The following FRMD4A variants were observed in gnomAD, a reference collection of about 807,000 sequenced individuals.
The protein encoded by FRMD4A is FERM domain containing 4A, also known as FERM domain-containing protein 4A.
A neutral mutation model predicts 129.1 loss-of-function variants in FRMD4A; 29 were observed. The observed-to-expected ratio is 0.22, with a 90% CI of 0.17 to 0.31. The LOEUF is 0.31. Among genes scored for constraint, FRMD4A ranks in the 10% least tolerant of loss-of-function variants. FRMD4A has a pLI of 1.00. For missense variants in FRMD4A, 1,272 were observed against 1,375.8 expected (o/e 0.92, Z 1.19); for synonymous variants, 634 against 571.6 (o/e 1.11, Z -1.56).
intron 2 of FRMD4A, among the ~76,000 whole-genome samples, chr10:14,134,540 G>T (rs1589049667): frequency 6.7e-6 from 1 of 149,824 alleles, no homozygotes; most frequent in South Asian, 2.1e-4. Flanking sequence ...AAAAGATGGA[G>T]GGATTGGTGA....
chr10:13,911,239 G>GT (rs2094937549), intron 2 of FRMD4A, among the ~76,000 whole-genome samples: 1 of 152,168 alleles, frequency 6.6e-6, no homozygotes. Context: ...AGCTAGGAAT[G>GT]TTTTTTCCTG....
chr10:14,221,966 T>A (rs1052590717), intron 2 of FRMD4A, among the ~76,000 whole-genome samples: 2 of 152,192 alleles, frequency 1.3e-5, no homozygotes, highest in African/African-American at 4.8e-5. Flanking sequence ...TGATTGCTGC[T>A]TCTCAGGAAG....
At chr10:14,228,381 AATT>A (rs1438890419) in intron 2 of FRMD4A, among the ~76,000 whole-genome samples, 5 of 152,186 alleles carry the variant, frequency 3.3e-5, no homozygotes, top group African/African-American at 4.8e-5. Context: ...GTTTGAGCTT[AATT>A]ATTAATAATG....
chr10:13,850,392 C>T (rs186890113), intron 3 of FRMD4A, among the ~76,000 whole-genome samples: 23 of 152,304 alleles, frequency 1.5e-4, no homozygotes, highest in Admixed American at 3.3e-4. Context: ...ATATCACCAG[C>T]ATCGCTGTCA....
chr10:13,980,970 G>A (rs2095558497), intron 2 of FRMD4A, among the ~76,000 whole-genome samples: 1 of 152,130 alleles, frequency 6.6e-6, no homozygotes. Context: ...TTTGATATAT[G>A]CAAAATCAGG....
chr10:13,740,382 G>C (rs773596452), intron 10 of FRMD4A, 130 bp downstream of exon 10: 3 of 889,056 alleles, frequency 3.4e-6, no homozygotes, highest in Admixed American at 2.1e-5. Context: ...TTATTTACTT[G>C]AAAATTAAAT....
chr10:14,268,506 G>A lies in FRMD4A; in HGVS notation c.45+61552C>T, dbSNP rs117121432. ...ATGTAATATATTGTAAGACTCCCTC[G>A]ATTTATTTATTTTTTCATTCATCTT... On this transcript the variant is annotated intron_variant, in intron 2 of 24. Coordinates refer to ENST00000357447, the MANE Select transcript of FRMD4A (RefSeq NM_018027.5). Among the ~76,000 whole-genome samples, 979 of 152,240 alleles carry A rather than the reference G, an allele frequency of 6.4e-3. 6 individuals carry two copies. Among genetic ancestry groups the A allele is most frequent in the Non-Finnish European group, 0.01 (707 of 68,012 alleles).
intron 2 of FRMD4A, among the ~76,000 whole-genome samples, chr10:14,240,086 T>G (rs556488969): frequency 6.6e-6 from 1 of 152,332 alleles, no homozygotes; most frequent in African/African-American, 2.4e-5. Context: ...TAGAGTCTAC[T>G]ATGTTGATGG....
At chr10:14,089,630 C>CAAAAAAAA (rs59553317) in intron 2 of FRMD4A, among the ~76,000 whole-genome samples, 1 of 130,806 alleles carries the variant, frequency 7.6e-6, no homozygotes, top group African/African-American at 3.0e-5. Context: ...AAAAAAAAAA[C>CAAAAAAAA]AAAAAAAAAC....
intron 6 of FRMD4A, among the ~76,000 whole-genome samples, chr10:13,772,169 T>C (rs2092474463): frequency 7.5e-6 from 1 of 133,848 alleles, no homozygotes; most frequent in Admixed American, 8.6e-5. Flanking sequence ...ATATATAATA[T>C]ATTATATTAT....
chr10:13,919,674 A>G (rs962103010), intron 2 of FRMD4A, among the ~76,000 whole-genome samples: 4 of 152,196 alleles, frequency 2.6e-5, no homozygotes, highest in Admixed American at 2.0e-4. Context: ...GCGGTGGCTG[A>G]AGCCTGTAAT....
chr10:14,330,738 C>T lies in FRMD4A; in HGVS notation c.-223G>A, dbSNP rs1241660490. 7.5e-6 allele frequency: 3 copies of T among 398,718 alleles called. No individual in the cohort carries two copies. The highest frequency in any genetic ancestry group is 3.6e-5 in the East Asian group (1 of 28,096). The allele number at this position is 398,718 out of a possible 1,614,324, so 24.7% of individuals were successfully genotyped here. ...GAGATCAGCAAATGCCCTTACCATC[C>T]CCGAGGAGGAAGTCACTTAGGAACT... is the stretch of plus-strand genomic sequence containing the variant. On this transcript the variant is annotated 5_prime_UTR_variant, in exon 1 of 25. Coordinates refer to ENST00000357447, the MANE Select transcript of FRMD4A (RefSeq NM_018027.5).
intron 2 of FRMD4A, among the ~76,000 whole-genome samples, chr10:14,146,383 A>G (rs1018235445): frequency 2.0e-5 from 3 of 152,206 alleles, no homozygotes; most frequent in Non-Finnish European, 4.4e-5. Flanking sequence ...ATAGGATATG[A>G]TGTGATATAG....
intron 2 of FRMD4A, among the ~76,000 whole-genome samples, chr10:14,247,804 AT>A: frequency 6.6e-6 from 1 of 152,184 alleles, no homozygotes; most frequent in East Asian, 1.9e-4. Flanking sequence ...CTCTGCTTAA[AT>A]TGAGTGTGAG....
At chr10:14,013,325 A>T (rs1250105777) in intron 2 of FRMD4A, among the ~76,000 whole-genome samples, 1 of 152,052 alleles carries the variant, frequency 6.6e-6, no homozygotes, top group Non-Finnish European at 1.5e-5. Flanking sequence ...GATGGCAACT[A>T]TTCCCACCCT....
At chr10:13,904,992 C>CAAAAAAAAAAA (rs397772526) in intron 2 of FRMD4A, among the ~76,000 whole-genome samples, 1 of 109,428 alleles carries the variant, frequency 9.1e-6, no homozygotes, top group African/African-American at 3.6e-5. Flanking sequence ...GACTCTATCT[C>CAAAAAAAAAAA]AAAAAAAAAA....
intron 3 of FRMD4A, among the ~76,000 whole-genome samples, chr10:13,823,762 G>A (rs762297466): frequency 2.0e-5 from 3 of 152,124 alleles, no homozygotes; most frequent in Non-Finnish European, 2.9e-5. Flanking sequence ...ACCTTTCCAC[G>A]GGGCCAAATG....
In FRMD4A at chr10:13,776,554, A is replaced by G. The variant is rs368797829; in HGVS notation, c.384+6368T>C. Among the ~76,000 whole-genome samples, 438 of 152,396 alleles carry G rather than the reference A, an allele frequency of 2.9e-3. 3 individuals are homozygous for G. The highest frequency in any genetic ancestry group is 0.019 in the South Asian group (90 of 4,828). ...GTTGCAAGTGGCAGGAGTTGCAGGG[A>G]GGAAGCTGTTTGTCATAATCAGCCT... On this transcript the variant is annotated intron_variant, in intron 6 of 24. Transcript: ENST00000357447.
At chr10:13,667,920 C>G (rs1485347720) in intron 17 of FRMD4A, 2 of 152,192 alleles carry the variant, frequency 1.3e-5, no homozygotes, top group Non-Finnish European at 2.9e-5. Context: ...AATTCACAGA[C>G]ACGCTGAAAT....
Sources: gnomAD v4.1 joint callset for allele counts (sites outside exome capture counted in the v4.1 genomes callset) on GRCh38, gnomAD v4.1.1 for gene constraint, MANE v1.5 for transcripts, NCBI Gene and HGNC (gene_info 2026-07-23, HGNC 2026-07-21) for gene names.